Variants in RANBP17 observed in about 807,000 individuals in gnomAD.
The protein encoded by RANBP17 is RAN binding protein 17, also known as ran-binding protein 17.
A neutral mutation model predicts 141.2 loss-of-function variants in RANBP17; 158 were observed. The observed-to-expected ratio is 1.12, with a 90% CI of 0.98 to 1.28. The LOEUF (loss-of-function observed/expected upper bound fraction) is 1.28. Ranked by LOEUF, RANBP17 falls within the 50% of genes most tolerant of loss-of-function variation. The probability of loss-of-function intolerance (pLI) is 0.00; values close to 1 mark genes in which losing one functional copy is unlikely to be tolerated. For missense variants in RANBP17, 1,438 were observed against 1,290.7 expected (o/e 1.11, Z -1.75); for synonymous variants, 430 against 450.0 (o/e 0.96, Z 0.56).
At chr5:170,942,554 G>A (rs1238823838) in intron 12 of RANBP17, among the ~76,000 whole-genome samples, 5 of 151,996 alleles carry the variant, frequency 3.3e-5, no homozygotes, top group Admixed American at 3.3e-4. Flanking sequence ...GTCTTGTTTA[G>A]GAATATATGT....
chr5:171,290,590 G>A (rs945866445), intron 25 of RANBP17, among the ~76,000 whole-genome samples: 1 of 152,148 alleles, frequency 6.6e-6, no homozygotes, highest in Admixed American at 6.5e-5. Flanking sequence ...TAGAATTACA[G>A]GTTTTCAGAA....
intron 14 of RANBP17, among the ~76,000 whole-genome samples, chr5:171,026,342 A>G (rs1222824299): frequency 6.6e-6 from 1 of 152,202 alleles, no homozygotes; most frequent in Non-Finnish European, 1.5e-5. Context: ...TGCTCAGTGT[A>G]CACAGTTAGT....
intron 14 of RANBP17, among the ~76,000 whole-genome samples, chr5:171,100,967 A>G (rs1159514435): frequency 6.6e-6 from 1 of 152,098 alleles, no homozygotes; most frequent in Non-Finnish European, 1.5e-5. Flanking sequence ...CAGAGAGACC[A>G]TTTGTTATGA....
intron 14 of RANBP17, among the ~76,000 whole-genome samples, chr5:171,045,122 T>C (rs1782489038): frequency 6.6e-6 from 1 of 152,100 alleles, no homozygotes; most frequent in South Asian, 2.1e-4. Flanking sequence ...CCAAACTAAT[T>C]ATAATGTATA....
chr5:171,036,711 T>C (rs1299619092), intron 14 of RANBP17, among the ~76,000 whole-genome samples: 1 of 152,142 alleles, frequency 6.6e-6, no homozygotes, highest in Non-Finnish European at 1.5e-5. Flanking sequence ...GTTCCTGTGT[T>C]GATTTGTTTA....
intron 14 of RANBP17, among the ~76,000 whole-genome samples, chr5:171,088,887 A>C (rs1785934829): frequency 6.6e-6 from 1 of 151,930 alleles, no homozygotes; most frequent in Admixed American, 6.6e-5. Context: ...AAAGTTTTCA[A>C]CTTCTTTGCC....
At chr5:171,045,128 G>T (rs1477724799) in intron 14 of RANBP17, among the ~76,000 whole-genome samples, 1 of 152,042 alleles carries the variant, frequency 6.6e-6, no homozygotes, top group African/African-American at 2.4e-5. Flanking sequence ...TAATTATAAT[G>T]TATAACTTAA....
chr5:170,901,871 G>T (rs1406964030), intron 5 of RANBP17, among the ~76,000 whole-genome samples: 2 of 152,248 alleles, frequency 1.3e-5, no homozygotes, highest in South Asian at 2.1e-4. Context: ...TGGCTTGTAG[G>T]GTTTCTGCAG....
intron 16 of RANBP17, among the ~76,000 whole-genome samples, chr5:171,181,568 A>G (rs2127915057): frequency 6.6e-6 from 1 of 152,364 alleles, no homozygotes; most frequent in South Asian, 2.1e-4. Flanking sequence ...ATACAGATAC[A>G]TGCTGAAATG....
chr5:171,043,422 G>A (rs1561585817), intron 14 of RANBP17, among the ~76,000 whole-genome samples: 1 of 151,888 alleles, frequency 6.6e-6, no homozygotes, highest in Non-Finnish European at 1.5e-5. Context: ...GTGCCCTTGG[G>A]GTGTCTCTCT....
chr5:171,190,535 A>C (rs1761557361), intron 18 of RANBP17, among the ~76,000 whole-genome samples: 1 of 152,140 alleles, frequency 6.6e-6, no homozygotes, highest in African/African-American at 2.4e-5. Context: ...CGTGCAGAAA[A>C]AAATGGATGA....
intron 14 of RANBP17, among the ~76,000 whole-genome samples, chr5:170,978,253 G>T (rs1777529506): frequency 6.6e-6 from 1 of 152,060 alleles, no homozygotes; most frequent in South Asian, 2.1e-4. Flanking sequence ...GTTGCTGGTG[G>T]CAGTGTAAAT....
chr5:171,063,646 C>T (rs955630001), intron 14 of RANBP17, among the ~76,000 whole-genome samples: 4 of 152,260 alleles, frequency 2.6e-5, no homozygotes, highest in Non-Finnish European at 1.5e-5. Context: ...TCTGCCCGTT[C>T]TCAGATCTCA....
intron 16 of RANBP17, among the ~76,000 whole-genome samples, chr5:171,178,260 G>T (rs1170353957): frequency 6.7e-6 from 1 of 148,754 alleles, no homozygotes; most frequent in African/African-American, 2.5e-5. Context: ...TTATGAGTGA[G>T]AACATGTGGT....
At chr5:171,190,451 A>T (rs917946480) in intron 18 of RANBP17, among the ~76,000 whole-genome samples, 8 of 152,220 alleles carry the variant, frequency 5.3e-5, no homozygotes, top group African/African-American at 1.7e-4. Context: ...GGTGTTTCAA[A>T]ACATGTGAGA....
chr5:171,241,703 CAGTT>C (rs1334933453), intron 23 of RANBP17, among the ~76,000 whole-genome samples: 2 of 152,122 alleles, frequency 1.3e-5, no homozygotes, highest in Non-Finnish European at 2.9e-5. Context: ...TACTTCACTA[CAGTT>C]AAAGTCCACC....
intron 20 of RANBP17, among the ~76,000 whole-genome samples, chr5:171,210,894 A>G (rs1008381633): frequency 6.6e-6 from 1 of 151,390 alleles, no homozygotes; most frequent in Non-Finnish European, 1.5e-5. Context: ...AGTCTCAGCT[A>G]CTTGGGAGGC....
intron 1 of RANBP17, among the ~76,000 whole-genome samples, chr5:170,872,832 G>A (rs997042201): frequency 3.9e-5 from 6 of 152,170 alleles, no homozygotes; most frequent in Non-Finnish European, 2.9e-5. Flanking sequence ...GATGGATTAT[G>A]TTTACTGATT....
intron 14 of RANBP17, among the ~76,000 whole-genome samples, chr5:171,165,801 T>C (rs1759653748): frequency 6.6e-6 from 1 of 152,200 alleles, no homozygotes; most frequent in Non-Finnish European, 1.5e-5. Context: ...CGTAACAGGC[T>C]GGCAAGGTTT....
Sources: allele counts gnomAD v4.1 joint callset (sites outside exome capture counted in the v4.1 genomes callset), GRCh38; gene constraint gnomAD v4.1.1; transcripts MANE v1.5; gene names NCBI Gene and HGNC (gene_info 2026-07-23, HGNC 2026-07-21).